Variants in PCDHA11 observed in about 807,000 individuals in gnomAD.
The protein encoded by PCDHA11 is protocadherin alpha-11.
PCDHA11 carries 61 observed loss-of-function variants against 70.3 expected under a neutral mutation model. The ratio of observed to expected loss-of-function variants is 0.87; its 90% CI spans 0.71 to 1.07. The LOEUF is 1.07. Among genes scored for constraint, PCDHA11 ranks in the 50% least tolerant of loss-of-function variants. The pLI is 0.00. For synonymous variants in PCDHA11, 633 were observed against 555.1 expected, an observed-to-expected ratio of 1.14 and a Z score of -1.97; for missense variants, 1,324 against 1,237.5, an observed-to-expected ratio of 1.07 and a Z score of -1.05.
At chr5:140,927,598 T>G (rs2084398863) in intron 1 of PCDHA11, 1 of 1,614,046 alleles carries the variant, frequency 6.2e-7, no homozygotes, top group African/African-American at 1.3e-5. Flanking sequence ...ATTTGAGCGC[T>G]CCGTATACCG....
intron 3 of PCDHA11, among the ~76,000 whole-genome samples, chr5:140,998,721 C>A (rs987484967): frequency 4.6e-5 from 7 of 152,084 alleles, no homozygotes; most frequent in Admixed American, 4.6e-4. Flanking sequence ...TGCACCACCA[C>A]GCTAGGCTAA....
At chr5:141,006,584 G>C (rs1554260824) in intron 3 of PCDHA11, among the ~76,000 whole-genome samples, 2 of 152,126 alleles carry the variant, frequency 1.3e-5, no homozygotes, top group Admixed American at 6.6e-5. Flanking sequence ...GAGGGTTGGA[G>C]AGAAGCAAAA....
At chr5:140,912,578 A>G (rs2075983045) in intron 1 of PCDHA11, among the ~76,000 whole-genome samples, 1 of 152,052 alleles carries the variant, frequency 6.6e-6, no homozygotes, top group Admixed American at 6.5e-5. Context: ...CCTCTTTTCC[A>G]ATTTGGATGC....
At chr5:140,927,342 TGAC>T (rs1554204398) in intron 1 of PCDHA11, 1 of 1,614,160 alleles carries the variant, frequency 6.2e-7, no homozygotes, top group Non-Finnish European at 8.5e-7. Context: ...ATGCCCAAGA[TGAC>T]GACGAGGGAA....
chr5:140,948,637 T>C (rs2094284946), intron 1 of PCDHA11, among the ~76,000 whole-genome samples: 1 of 151,712 alleles, frequency 6.6e-6, no homozygotes, highest in Non-Finnish European at 1.5e-5. Context: ...TATTCTCTCA[T>C]CTTTTAACGT....
chr5:140,906,804 C>T (rs1254520665), intron 1 of PCDHA11, among the ~76,000 whole-genome samples: 3 of 152,224 alleles, frequency 2.0e-5, no homozygotes, highest in Non-Finnish European at 4.4e-5. Context: ...CATACTCTTC[C>T]TTACCTCCAC....
At position 140,870,751 on chromosome 5, in the gene PCDHA11, C is replaced by T; in HGVS notation, c.1648C>T (p.Leu550=). 1.9e-6 allele frequency: 3 copies of T among 1,613,546 alleles called. No homozygotes were observed. Among genetic ancestry groups the T allele is most frequent in the Non-Finnish European group, 2.5e-6 (3 of 1,179,896 alleles). The change falls in exon 1 of 4, where the codon CTG becomes TTG. Residue 550 remains leucine (L), a synonymous_variant. Transcript: ENST00000398640. ...GCCGCCTCTGAGCAGCAACGTGACG[C>T]TGCAGGTGTTCGTGCTGGACGAGAA... ...GVPPLSSNVT[L]QVFVLDENDN...
At chr5:140,969,279 A>G (rs782221973) in intron 1 of PCDHA11, 3 of 1,614,244 alleles carry the variant, frequency 1.9e-6, no homozygotes, top group East Asian at 2.2e-5. Flanking sequence ...CAAAGTGGTC[A>G]GAATGCTGGG....
chr5:140,970,471 G>T (rs773565871), intron 1 of PCDHA11, among the ~76,000 whole-genome samples: 1 of 152,142 alleles, frequency 6.6e-6, no homozygotes, highest in African/African-American at 2.4e-5. Context: ...TAGGTATAAG[G>T]CCAGCTTGTT....
chr5:140,987,122 G>A (rs1054053197), intron 3 of PCDHA11, among the ~76,000 whole-genome samples: 2 of 151,858 alleles, frequency 1.3e-5, no homozygotes, highest in African/African-American at 4.8e-5. Context: ...GCTGAGGCAG[G>A]AGAATTGCTT....
chr5:141,006,535 G>A (rs1473022946), intron 3 of PCDHA11, among the ~76,000 whole-genome samples: 1 of 152,118 alleles, frequency 6.6e-6, no homozygotes, highest in Non-Finnish European at 1.5e-5. Context: ...TTTTTAAAGA[G>A]AGACATTAAG....
At chr5:140,961,591 T>C (rs1280839822) in intron 1 of PCDHA11, among the ~76,000 whole-genome samples, 1 of 152,190 alleles carries the variant, frequency 6.6e-6, no homozygotes, top group African/African-American at 2.4e-5. Flanking sequence ...ATTTTGGCAA[T>C]GATTCTAGTA....
intron 1 of PCDHA11, among the ~76,000 whole-genome samples, chr5:140,963,550 A>G (rs1484541648): frequency 6.6e-6 from 1 of 152,202 alleles, no homozygotes; most frequent in Non-Finnish European, 1.5e-5. Context: ...TGATATAAAA[A>G]GGGGCTGTTT....
At chr5:140,909,186 A>G (rs552786721) in intron 1 of PCDHA11, among the ~76,000 whole-genome samples, 1 of 152,336 alleles carries the variant, frequency 6.6e-6, no homozygotes, top group Admixed American at 6.5e-5. Context: ...TCCAAACAAG[A>G]TTATGACACA....
chr5:140,904,685 G>A (rs2071317723), intron 1 of PCDHA11, among the ~76,000 whole-genome samples: 1 of 152,104 alleles, frequency 6.6e-6, no homozygotes, highest in African/African-American at 2.4e-5. Context: ...CCCACCAGCA[G>A]TGTAAAATTG....
At chr5:140,875,543 G>A in intron 1 of PCDHA11, 1 of 1,614,164 alleles carries the variant, frequency 6.2e-7, no homozygotes, top group Non-Finnish European at 8.5e-7. Flanking sequence ...CTTGCAGCCT[G>A]GGAGGTGGGG....
intron 1 of PCDHA11, among the ~76,000 whole-genome samples, chr5:140,959,927 C>A (rs1554224406): frequency 6.6e-6 from 1 of 152,038 alleles, no homozygotes; most frequent in African/African-American, 2.4e-5. Flanking sequence ...TTGTAAAGCC[C>A]CATTACTTAG....
chr5:140,971,165 G>A (rs1390176241), intron 1 of PCDHA11, among the ~76,000 whole-genome samples: 1 of 152,136 alleles, frequency 6.6e-6, no homozygotes, highest in Non-Finnish European at 1.5e-5. Context: ...GCTCAGCTTT[G>A]CCACCAGCTG....
intron 1 of PCDHA11, among the ~76,000 whole-genome samples, chr5:140,975,632 A>G (rs1554236932): frequency 1.3e-5 from 2 of 152,216 alleles, no homozygotes; most frequent in African/African-American, 4.8e-5. Context: ...CATGGTACGA[A>G]GATAGCATAT....
Sources: gnomAD v4.1 joint callset for allele counts (sites outside exome capture counted in the v4.1 genomes callset) on GRCh38, gnomAD v4.1.1 for gene constraint, MANE v1.5 for transcripts, NCBI Gene and HGNC (gene_info 2026-07-23, HGNC 2026-07-21) for gene names.